The following UVSSA variants were observed in gnomAD, a reference collection of about 807,000 sequenced individuals.
UVSSA encodes UV stimulated scaffold protein A.
Under a neutral mutation model 73.9 loss-of-function variants are expected in UVSSA, and 72 were observed. That is an observed-to-expected ratio of 0.97 (90% CI 0.81 to 1.19). The LOEUF (loss-of-function observed/expected upper bound fraction) is 1.19, where lower values mean the gene tolerates loss of function less well. Ranked by LOEUF, UVSSA falls within the 50% of genes most tolerant of loss-of-function variation. The probability of loss-of-function intolerance (pLI) is 0.00; values close to 1 mark genes in which losing one functional copy is unlikely to be tolerated. For synonymous variants in UVSSA, 454 were observed against 391.3 expected, an observed-to-expected ratio of 1.16 and a Z score of -1.89; for missense variants, 1,150 against 965.0, an observed-to-expected ratio of 1.19 and a Z score of -2.54.
intron 5 of UVSSA, 84 bp downstream of exon 5, chr4:1,353,497 A>T: frequency 1.4e-6 from 2 of 1,426,514 alleles, no homozygotes; most frequent in Non-Finnish European, 1.8e-6. Flanking sequence ...CCGGCCCAGG[A>T]GCCTGGGGAT....
chr4:1,385,865 C>T lies in UVSSA; in HGVS notation c.2037-3C>T. 4.3e-6 allele frequency: 7 copies of T among 1,614,022 alleles called. No individual in the cohort carries two copies. The South Asian group carries it at 5.5e-5, about 13-fold the overall frequency. On this transcript the variant is annotated splice_polypyrimidine_tract_variant and splice_region_variant and intron_variant, in intron 13 of 13. Transcript: ENST00000389851. ...GGTCACATCTTGCCTTGTTTCCCCA[C>T]AGGGCAGCTGTGCGGAGGGTAGTGG...
At chr4:1,343,855 T>G (rs766619667), upstream of UVSSA, among the ~76,000 whole-genome samples, 12 of 152,156 alleles carry the variant, frequency 7.9e-5, no homozygotes, top group Admixed American at 2.6e-4. Flanking sequence ...TCATTTTCCT[T>G]TCATCTGAAG....
In UVSSA at chr4:1,353,537, GGGGTCACCACCA is replaced by G. The variant is rs1329913339; in HGVS notation, c.934+127_934+138del. On this transcript the variant is annotated intron_variant, in intron 5 of 13. Transcript: ENST00000389851. The stretch of plus-strand genomic sequence containing the variant: ...GGGCCTCCCCTGGGGAGCTAGGTCA[GGGGTCACCACCA>G]GGTTTTTCCTTTCTGTGTGGCCTCT... The G allele has an allele frequency of 3.1e-6, 4 of 1,311,182 alleles. No individual in the cohort carries two copies. The African/African-American group carries it at 6.0e-5, about 20-fold the overall frequency. 81.2% of individuals were successfully genotyped at this position (1,311,182 alleles called of 1,614,324 possible).
exon 14 of UVSSA, chr4:1,395,088 G>T: frequency 7.6e-7 from 1 of 1,324,146 alleles, no homozygotes; most frequent in South Asian, 1.2e-5. Context: ...GATCACACGT[G>T]CCCATGTGGA....
rs956956849 is a variant in UVSSA at position 1,351,734 on chromosome 4, A to G, written c.449A>G (p.Asn150Ser). 17 of 1,613,400 alleles carry G rather than the reference A, an allele frequency of 1.1e-5. No homozygotes were observed. The highest frequency in any genetic ancestry group is 1.3e-5 in the African/African-American group (1 of 74,934). The change falls in exon 4 of 14, where the codon AAT becomes AGT. Residue 150 changes from asparagine (N) to serine (S), a missense_variant. Physicochemically the swap from Asn to Ser is conservative, Grantham distance 46. Coordinates refer to ENST00000389851, the MANE Select transcript of UVSSA (RefSeq NM_020894.4). ...HNKKVDFQDT[N>S]ARSLAERKRE... ...GCTCAGGTGGATTTTCAAGACACGA[A>G]TGCTCGGAGTCTGGCAGAAAGGAAG...
upstream of UVSSA, among the ~76,000 whole-genome samples, chr4:1,343,195 C>T (rs966110296): frequency 3.3e-5 from 5 of 152,084 alleles, no homozygotes; most frequent in Admixed American, 6.6e-5. Context: ...GGTTGGCTCC[C>T]GGTGAGGCCT....
intron 8 of UVSSA, among the ~76,000 whole-genome samples, chr4:1,373,795 C>T (rs1011048805): frequency 3.9e-5 from 6 of 152,222 alleles, no homozygotes; most frequent in African/African-American, 1.4e-4. Context: ...CGTGCTTCCT[C>T]CCTCGCTGTC....
At chr4:1,380,624 G>A (rs1288192836) in intron 11 of UVSSA, 4 of 1,512,108 alleles carry the variant, frequency 2.6e-6, no homozygotes, top group East Asian at 2.6e-5. Flanking sequence ...TGGCCATGCT[G>A]GATGAGGGAG....
At chr4:1,371,021 C>A (rs1717963243) in intron 8 of UVSSA, among the ~76,000 whole-genome samples, 3 of 152,214 alleles carry the variant, frequency 2.0e-5, no homozygotes, top group African/African-American at 7.2e-5. Context: ...TCATTCTCCT[C>A]CCAGCTCTTC....
In UVSSA at chr4:1,347,560, C is replaced by G. The variant is rs914930805; in HGVS notation, c.-203C>G. On this transcript the variant is annotated 5_prime_UTR_variant, in exon 1 of 14. Transcript: ENST00000389851. Reference sequence around the variant, plus strand: ...CCTCGCCTGGCGCTTCCTTCCGGGTCCTTCGGCCTTTCCCTGGCGGTGCGG... The same window carrying G: ...CCTCGCCTGGCGCTTCCTTCCGGGTGCTTCGGCCTTTCCCTGGCGGTGCGG... 1.3e-5 allele frequency: 2 copies of G among 152,658 alleles called. No individual in the cohort carries two copies. The highest frequency in any genetic ancestry group is 4.8e-5 in the African/African-American group (2 of 41,474). The allele number at this position is 152,658 out of a possible 1,614,324, so 9.5% of individuals were successfully genotyped here. A position where few individuals can be genotyped will look rare whatever the true frequency, so the allele number is the denominator to read the frequency against.
At chr4:1,352,679 C>T (rs565342700) in intron 4 of UVSSA, among the ~76,000 whole-genome samples, 7 of 152,352 alleles carry the variant, frequency 4.6e-5, no homozygotes, top group Admixed American at 1.3e-4. Flanking sequence ...CGACTGGGCG[C>T]GGTGACTCAT....
chr4:1,374,828 G>A lies in UVSSA; in HGVS notation c.1289-536G>A, dbSNP rs71606321. On this transcript the variant is annotated intron_variant, in intron 8 of 13. Coordinates refer to ENST00000389851, the MANE Select transcript of UVSSA (RefSeq NM_020894.4). ...ATCCCCGCTAACATCGCGGTTTGAC[G>A]TCAGCGTGAGATGTGGGTTGAACCC... 2.6e-3 allele frequency: 398 copies of A among 153,278 alleles called. 2 individuals carry two copies. The highest frequency in any genetic ancestry group is 3.3e-3 in the Non-Finnish European group (229 of 68,718). 9.5% of individuals were successfully genotyped at this position (153,278 alleles called of 1,614,324 possible).
intron 3 of UVSSA, among the ~76,000 whole-genome samples, chr4:1,350,056 C>CG (rs1365605480): frequency 1.3e-5 from 2 of 152,114 alleles, no homozygotes; most frequent in Non-Finnish European, 2.9e-5. Flanking sequence ...CTGAGAGGGG[C>CG]GGCGCAGCTC....
At chr4:1,376,249 C>G in intron 10 of UVSSA, 81 bp downstream of exon 10, 1 of 1,483,484 alleles carries the variant, frequency 6.7e-7, no homozygotes, top group East Asian at 2.5e-5. Context: ...GCTCACCAGG[C>G]CTCCCTGGGT....
At chr4:1,366,560 A>G in intron 8 of UVSSA, 129 bp downstream of exon 8, 1 of 638,006 alleles carries the variant, frequency 1.6e-6, no homozygotes, top group Non-Finnish European at 2.7e-6. Context: ...CTTTGGTTTA[A>G]AATGCTGCTT....
intron 8 of UVSSA, among the ~76,000 whole-genome samples, chr4:1,366,822 C>G (rs1011756259): frequency 1.3e-5 from 2 of 152,182 alleles, no homozygotes; most frequent in African/African-American, 4.8e-5. Context: ...CCCAGCACAC[C>G]GGCCTGCTGT....
chr4:1,390,716 A>C (rs1720391854), downstream of UVSSA: 1 of 152,302 alleles, frequency 6.6e-6, no homozygotes, highest in Non-Finnish European at 1.5e-5. Context: ...AAGAATATCT[A>C]TCCTGCTCTT....
chr4:1,349,441 G>T, intron 2 of UVSSA, 83 bp from the exon 3 acceptor site: 1 of 1,352,986 alleles, frequency 7.4e-7, no homozygotes, highest in Non-Finnish European at 1.0e-6. Flanking sequence ...CCACACGTGC[G>T]TGCGGCATCC....
Position 1,349,843 on chromosome 4 carries a change from C to A in UVSSA, c.418C>A (p.His140Asn). 1 of 1,550,404 alleles carries A rather than the reference C, an allele frequency of 6.4e-7. No homozygotes were observed. The highest frequency in any genetic ancestry group is 8.7e-7 in the Non-Finnish European group (1 of 1,148,862). The change falls in exon 3 of 14, where the codon CAC becomes AAC. Residue 140 changes from histidine (H) to asparagine (N), a missense_variant. Coordinates refer to ENST00000389851, the MANE Select transcript of UVSSA (RefSeq NM_020894.4). ...TGCCTTGGGCTACCACTTCTTAAGA[C>A]ACAACAAAAAGGTAGGTGGGCCTGG... is the stretch of plus-strand genomic sequence containing the variant. ...KLALGYHFLR[H>N]NKKVDFQDTN... is the part of the protein sequence containing the mutation.
Sources: gnomAD v4.1 joint callset for allele counts (sites outside exome capture counted in the v4.1 genomes callset) on GRCh38, gnomAD v4.1.1 for gene constraint, MANE v1.5 for transcripts, NCBI Gene and HGNC (gene_info 2026-07-23, HGNC 2026-07-21) for gene names.